NKAIN2: variants seen among roughly 807,000 people sequenced by gnomAD.
NKAIN2 encodes the protein sodium/potassium-transporting ATPase subunit beta-1-interacting protein 2.
Under a neutral mutation model 32.6 loss-of-function variants are expected in NKAIN2, and 14 were observed. That is an observed-to-expected ratio of 0.43 (90% CI 0.28 to 0.67). The LOEUF is 0.67. Ranked by LOEUF, NKAIN2 falls within the 30% of genes least tolerant of loss-of-function variation. NKAIN2 has a pLI of 0.17. For synonymous variants in NKAIN2, 80 were observed against 87.2 expected, an observed-to-expected ratio of 0.92 and a Z score of 0.46; for missense variants, 198 against 258.3, an observed-to-expected ratio of 0.77 and a Z score of 1.60.
chr6:124,095,158 C>A (rs2114935843), intron 1 of NKAIN2, among the ~76,000 whole-genome samples: 1 of 152,202 alleles, frequency 6.6e-6, no homozygotes, highest in Non-Finnish European at 1.5e-5. Context: ...CCCAACAGTT[C>A]CATGAAAAAC....
At chr6:124,538,055 T>G (rs1779781398) in intron 3 of NKAIN2, among the ~76,000 whole-genome samples, 1 of 152,140 alleles carries the variant, frequency 6.6e-6, no homozygotes, top group Non-Finnish European at 1.5e-5. Context: ...AATCCAATTA[T>G]TCATTGTCAT....
chr6:124,462,123 C>T (rs1056051391), intron 3 of NKAIN2, among the ~76,000 whole-genome samples: 1 of 151,790 alleles, frequency 6.6e-6, no homozygotes, highest in Non-Finnish European at 1.5e-5. Context: ...ACAGTCTTAG[C>T]TCCGTGAGGG....
chr6:124,253,826 T>C (rs1417721425), intron 1 of NKAIN2, among the ~76,000 whole-genome samples: 1 of 151,052 alleles, frequency 6.6e-6, no homozygotes, highest in Non-Finnish European at 1.5e-5. Context: ...ATGTGCAATG[T>C]TCTACTTTTT....
chr6:124,580,110 A>G (rs1396903060), intron 3 of NKAIN2, among the ~76,000 whole-genome samples: 1 of 152,238 alleles, frequency 6.6e-6, no homozygotes, highest in African/African-American at 2.4e-5. Context: ...TATGAGAGAA[A>G]AAGACATTAG....
At chr6:124,078,784 TTTTGTG>T (rs1783814179) in intron 1 of NKAIN2, among the ~76,000 whole-genome samples, 1 of 120,072 alleles carries the variant, frequency 8.3e-6, no homozygotes, top group African/African-American at 3.2e-5. Context: ...GCTATGTCGT[TTTTGTG>T]TGTGTGTGTG....
At chr6:124,139,339 C>T (rs1787022923) in intron 1 of NKAIN2, among the ~76,000 whole-genome samples, 1 of 151,252 alleles carries the variant, frequency 6.6e-6, no homozygotes. Context: ...CCACCCGCCT[C>T]GGCCTCCCAA....
chr6:123,898,026 G>A (rs9490992), intron 1 of NKAIN2, among the ~76,000 whole-genome samples: 247 of 152,264 alleles, frequency 1.6e-3, no homozygotes, highest in African/African-American at 5.5e-3. Flanking sequence ...CTTACTGCTC[G>A]TAGATGTCCT....
At chr6:123,897,299 CA>C (rs1173636399) in intron 1 of NKAIN2, among the ~76,000 whole-genome samples, 1 of 152,148 alleles carries the variant, frequency 6.6e-6, no homozygotes, top group Non-Finnish European at 1.5e-5. Flanking sequence ...TTCCCACCTT[CA>C]TGGTGATATA....
At chr6:124,560,116 G>T (rs920560846) in intron 3 of NKAIN2, among the ~76,000 whole-genome samples, 2 of 152,014 alleles carry the variant, frequency 1.3e-5, no homozygotes, top group African/African-American at 4.8e-5. Context: ...GCTTGGCTGT[G>T]TCCCCACCCA....
chr6:123,993,873 G>C (rs1028734010), intron 1 of NKAIN2, among the ~76,000 whole-genome samples: 1 of 152,094 alleles, frequency 6.6e-6, no homozygotes, highest in African/African-American at 2.4e-5. Context: ...ATTTCCAATA[G>C]AACCATGCTA....
At chr6:124,419,962 C>T (rs1336378028) in intron 3 of NKAIN2, among the ~76,000 whole-genome samples, 1 of 151,788 alleles carries the variant, frequency 6.6e-6, no homozygotes, top group Non-Finnish European at 1.5e-5. Context: ...CCCGGAATAT[C>T]CTGGAATATG....
chr6:124,750,071 C>T (rs568829231), intron 4 of NKAIN2, among the ~76,000 whole-genome samples: 5 of 151,890 alleles, frequency 3.3e-5, no homozygotes, highest in African/African-American at 1.2e-4. Context: ...CTTACTAGGC[C>T]TGAGACTTTC....
intron 3 of NKAIN2, among the ~76,000 whole-genome samples, chr6:124,636,444 T>A (rs560102651): frequency 1.3e-5 from 2 of 151,350 alleles, no homozygotes; most frequent in Non-Finnish European, 3.0e-5. Context: ...ATGAAATAAA[T>A]ACAAAATACA....
At chr6:124,079,941 A>G (rs751790062) in intron 1 of NKAIN2, among the ~76,000 whole-genome samples, 1 of 139,608 alleles carries the variant, frequency 7.2e-6, no homozygotes, top group Non-Finnish European at 1.5e-5. Context: ...ATTTGGATGG[A>G]AAAAAAAAAA....
intron 1 of NKAIN2, among the ~76,000 whole-genome samples, chr6:123,838,931 C>G (rs997112428): frequency 6.6e-6 from 1 of 152,176 alleles, no homozygotes; most frequent in South Asian, 2.1e-4. Context: ...AATGTGTTTT[C>G]TCGCATATGG....
chr6:124,600,152 A>G (rs1782252291), intron 3 of NKAIN2, among the ~76,000 whole-genome samples: 1 of 152,104 alleles, frequency 6.6e-6, no homozygotes, highest in Admixed American at 6.6e-5. Flanking sequence ...CACCATCACT[A>G]CAGTTCCGGG....
chr6:124,747,797 T>A (rs1420294851), intron 4 of NKAIN2, among the ~76,000 whole-genome samples: 1 of 151,826 alleles, frequency 6.6e-6, no homozygotes, highest in Non-Finnish European at 1.5e-5. Flanking sequence ...AAAATATTCT[T>A]ATATTTTTTA....
At chr6:124,576,194 C>T (rs528201216) in intron 3 of NKAIN2, among the ~76,000 whole-genome samples, 38 of 152,266 alleles carry the variant, frequency 2.5e-4, no homozygotes, top group Non-Finnish European at 4.7e-4. Context: ...CATTTCTGTT[C>T]CATACTGAAG....
chr6:124,809,184 A>G (rs945637478), intron 5 of NKAIN2, among the ~76,000 whole-genome samples: 1 of 152,016 alleles, frequency 6.6e-6, no homozygotes, highest in African/African-American at 2.4e-5. Flanking sequence ...AGTCAATCCT[A>G]AGCCAAAAGA....
Sources: gnomAD v4.1 joint callset for allele counts (sites outside exome capture counted in the v4.1 genomes callset) on GRCh38, gnomAD v4.1.1 for gene constraint, MANE v1.5 for transcripts, NCBI Gene and HGNC (gene_info 2026-07-23, HGNC 2026-07-21) for gene names.